The following GALNT3 variants were observed in gnomAD, a reference collection of about 807,000 sequenced individuals.
The protein encoded by GALNT3 is GalNAc transferase 3.
A neutral mutation model predicts 69.8 loss-of-function variants in GALNT3; 51 were observed. The observed-to-expected ratio is 0.73, with a 90% confidence interval of 0.58 to 0.92. The LOEUF is 0.92. Ranked by LOEUF, GALNT3 falls within the 40% of genes least tolerant of loss-of-function variation. The pLI is 0.00. For missense variants in GALNT3, 711 were observed against 760.0 expected, an observed-to-expected ratio of 0.94 and a Z score of 0.76; for synonymous variants, 265 against 248.5, an observed-to-expected ratio of 1.07 and a Z score of -0.63.
In GALNT3 at chr2:165,754,712, T is replaced by C. The variant is rs200031817; in HGVS notation, c.1541A>G (p.Gln514Arg). The C allele has an allele frequency of 2.3e-5, 37 of 1,612,374 alleles. No homozygotes were observed. The highest frequency in any genetic ancestry group is 3.0e-5 in the Non-Finnish European group (35 of 1,178,966). Residue 514 changes from glutamine to arginine, a missense_variant, in exon 9 of 11, where the codon CAG (glutamine) becomes CGG (arginine). By Grantham distance (43) the Gln-to-Arg change is conservative (BLOSUM62 1). Coordinates refer to ENST00000392701, the MANE Select transcript of GALNT3 (RefSeq NM_004482.4). ...TTCTCCAACATCCAGACATAGAGGC[T>C]GACCAACGCTTTTAATCTAAAGGAA... The part of the protein sequence containing the change: ...VISGYIKSVG[Q>R]PLCLDVGENN...
chr2:165,754,613 A>C lies in GALNT3; in HGVS notation c.1626+14T>G. 6.4e-7 allele frequency: 1 copy of C among 1,569,908 alleles called. No individual in the cohort carries two copies. The highest frequency in any genetic ancestry group is 8.8e-7 in the Non-Finnish European group (1 of 1,140,102). The stretch of plus-strand genomic sequence containing the variant: ...AATGCTTTACAAGTGAAGGATTTTT[A>C]ATGCAGTGCTCACCTGGTTTCCCCC... On this transcript the variant is annotated intron_variant, in intron 9 of 10. Transcript: ENST00000392701.
At chr2:165,757,525 T>C (rs2105405488) in intron 6 of GALNT3, among the ~76,000 whole-genome samples, 2 of 152,332 alleles carry the variant, frequency 1.3e-5, no homozygotes, top group South Asian at 4.1e-4. Flanking sequence ...CAGGCTTTTG[T>C]TTTTGCAAAT....
chr2:165,748,495 C>T lies in GALNT3; in HGVS notation c.*286G>A. 2.3e-6 allele frequency: 1 copy of T among 437,096 alleles called. No individual in the cohort carries two copies. Among genetic ancestry groups the T allele is most frequent in the East Asian group, 4.0e-5 (1 of 24,940 alleles). 27.1% of individuals were successfully genotyped at this position (437,096 alleles called of 1,614,324 possible). A position where few individuals can be genotyped will look rare whatever the true frequency, so the allele number is the denominator to read the frequency against. ...TATATCCCTAAGTGTACAAAACACA[C>T]AAACATCACTTTACTTGGAAAATTA... is the stretch of plus-strand genomic sequence containing the variant. On this transcript the variant is annotated 3_prime_UTR_variant, in exon 11 of 11. Transcript: ENST00000392701.
chr2:165,785,274 A>G (rs967695205), intron 1 of GALNT3, among the ~76,000 whole-genome samples: 2 of 152,188 alleles, frequency 1.3e-5, no homozygotes, highest in Non-Finnish European at 2.9e-5. Context: ...AACAAGGCCA[A>G]TTTATATGCT....
intron 1 of GALNT3, among the ~76,000 whole-genome samples, chr2:165,792,985 T>C (rs955203367): frequency 6.6e-6 from 1 of 152,168 alleles, no homozygotes; most frequent in Non-Finnish European, 1.5e-5. Context: ...GTAACTTCTA[T>C]AGCAAGTTAT....
chr2:165,779,805 A>G (rs1356150441), intron 1 of GALNT3, among the ~76,000 whole-genome samples: 1 of 152,202 alleles, frequency 6.6e-6, no homozygotes, highest in Non-Finnish European at 1.5e-5. Flanking sequence ...CACTTACATA[A>G]TTGGCTGCGA....
Position 165,748,461 on chromosome 2 carries a change from C to A in GALNT3, c.*320G>T. ...TTAAATTGTGAGTGTGTGAATGTAG[C>A]TATATATATATATCCCTAAGTGTAC... On this transcript the variant is annotated 3_prime_UTR_variant, in exon 11 of 11. Transcript: ENST00000392701. 2.9e-6 allele frequency: 1 copy of A among 343,516 alleles called. No homozygotes were observed. The highest frequency in any genetic ancestry group is 4.0e-5 in the South Asian group (1 of 24,826). The allele number at this position is 343,516 out of a possible 1,614,324, so 21.3% of individuals were successfully genotyped here. A position where few individuals can be genotyped will look rare whatever the true frequency, so the allele number is the denominator to read the frequency against.
chr2:165,754,204 C>G (rs1688402958), intron 9 of GALNT3, among the ~76,000 whole-genome samples: 1 of 151,598 alleles, frequency 6.6e-6, no homozygotes, highest in Non-Finnish European at 1.5e-5. Context: ...ATTCTCCAGC[C>G]TCAGCCTCCC....
In GALNT3 at chr2:165,762,061, G is replaced by GC. The variant is rs781383859; in HGVS notation, c.689-8_689-7insG. 3 of 1,520,658 alleles carry GC rather than the reference G, an allele frequency of 2.0e-6. No homozygotes were observed. In the South Asian group the frequency reaches 3.4e-5, roughly 17 times the overall value. 94.2% of individuals were successfully genotyped at this position (1,520,658 alleles called of 1,614,324 possible). On this transcript the variant is annotated splice_polypyrimidine_tract_variant and splice_region_variant and intron_variant, in intron 3 of 10. Transcript: ENST00000392701. The stretch of plus-strand genomic sequence containing the variant: ...AGTTTATCATGTAAGTACTCTGTAA[G>GC]GAAAAAAAATCAGGGTTAATTCTTT...
At chr2:165,784,062 G>T (rs1863200) in intron 1 of GALNT3, among the ~76,000 whole-genome samples, 1 of 152,082 alleles carries the variant, frequency 6.6e-6, no homozygotes, top group Non-Finnish European at 1.5e-5. Context: ...GAAATAAACC[G>T]GTCTCAGCCT....
At chr2:165,793,208 C>T (rs1683389025) in intron 1 of GALNT3, among the ~76,000 whole-genome samples, 1 of 152,140 alleles carries the variant, frequency 6.6e-6, no homozygotes, top group Non-Finnish European at 1.5e-5. Context: ...GATCCTGAAA[C>T]AATGTTTTTT....
rs1464967538 is a variant in GALNT3, at chr2:165,748,437, T to C, written c.*344A>G. The C allele has an allele frequency of 3.5e-6, 1 of 287,346 alleles. No homozygotes were observed. The highest frequency in any genetic ancestry group is 6.6e-6 in the Non-Finnish European group (1 of 151,232). 17.8% of individuals were successfully genotyped at this position (287,346 alleles called of 1,614,324 possible). ...CCCCAAAAAACTAGGGGAAATATTT[T>C]AAATTGTGAGTGTGTGAATGTAGCT... is the stretch of plus-strand genomic sequence containing the variant. On this transcript the variant is annotated 3_prime_UTR_variant, in exon 11 of 11. Transcript: ENST00000392701.
At chr2:165,758,981 A>T (rs1486334367) in intron 5 of GALNT3, 117 bp from the exon 6 acceptor site, 6 of 769,398 alleles carry the variant, frequency 7.8e-6, no homozygotes, top group African/African-American at 5.3e-5. Context: ...GCTTTTATTC[A>T]GATTAATAAA....
At chr2:165,760,563 G>A (rs532876735) in intron 4 of GALNT3, among the ~76,000 whole-genome samples, 15 of 152,306 alleles carry the variant, frequency 9.8e-5, no homozygotes, top group Admixed American at 7.8e-4. Context: ...TTTGAACAAC[G>A]AGAAGAAATA....
At chr2:165,767,959 C>T (rs11674422) in intron 2 of GALNT3, among the ~76,000 whole-genome samples, 55,748 of 149,242 alleles carry the variant, frequency 0.37, 12,109 homozygotes, top group Non-Finnish European at 0.49. Context: ...CTGCAACCTC[C>T]GCTTCCCGGG....
intron 6 of GALNT3, among the ~76,000 whole-genome samples, chr2:165,757,772 T>C (rs1162281291): frequency 1.3e-5 from 2 of 152,194 alleles, no homozygotes; most frequent in Non-Finnish European, 2.9e-5. Flanking sequence ...TAGAGGATGA[T>C]TATTTAAAAA....
intron 1 of GALNT3, among the ~76,000 whole-genome samples, chr2:165,786,729 C>T (rs1281775038): frequency 6.6e-6 from 1 of 152,074 alleles, no homozygotes; most frequent in Non-Finnish European, 1.5e-5. Flanking sequence ...TGTACTGCTT[C>T]GACTTGAGTC....
At chr2:165,785,030 C>CA (rs1255221000) in intron 1 of GALNT3, among the ~76,000 whole-genome samples, 1 of 152,088 alleles carries the variant, frequency 6.6e-6, no homozygotes, top group Non-Finnish European at 1.5e-5. Flanking sequence ...TCAGAATTAT[C>CA]AAACTTGCAG....
Position 165,759,377 on chromosome 2 carries a change from A to G in GALNT3, c.1032T>C (p.Asp344=). Reference sequence around the variant, plus strand: ...CATCTTTCCTTCTTTGCTTCTCATGATCAGGAAGCGACTCCCAGCCAAATG... The same window carrying G: ...CATCTTTCCTTCTTTGCTTCTCATGGTCAGGAAGCGACTCCCAGCCAAATG... ...SLSFGWESLP[D]HEKQRRKDET... The change falls in exon 5 of 11, where the codon GAT becomes GAC. Residue 344 remains aspartate, a synonymous_variant. Coordinates refer to ENST00000392701, the MANE Select transcript of GALNT3 (RefSeq NM_004482.4). The G allele has an allele frequency of 6.2e-6, 10 of 1,613,990 alleles. No homozygotes were observed. The highest frequency in any genetic ancestry group is 7.6e-6 in the Non-Finnish European group (9 of 1,179,936).
Sources: allele counts gnomAD v4.1 joint callset (sites outside exome capture counted in the v4.1 genomes callset), GRCh38; gene constraint gnomAD v4.1.1; transcripts MANE v1.5; gene names NCBI Gene and HGNC (gene_info 2026-07-23, HGNC 2026-07-21).